Variants in EFHC1 observed in about 807,000 individuals in gnomAD.
EFHC1 encodes EF-hand domain-containing protein 1.
A neutral mutation model predicts 69.9 loss-of-function variants in EFHC1; 53 were observed. That is an observed-to-expected ratio of 0.76 (90% CI 0.61 to 0.95). The LOEUF (loss-of-function observed/expected upper bound fraction) is 0.95. Ranked by LOEUF, EFHC1 falls within the 40% of genes least tolerant of loss-of-function variation. The pLI is 0.00. For synonymous variants in EFHC1, 256 were observed against 278.4 expected, an observed-to-expected ratio of 0.92 and a Z score of 0.80; for missense variants, 739 against 798.7, an observed-to-expected ratio of 0.93 and a Z score of 0.90.
In EFHC1 at chr6:52,470,139, A is replaced by G. The variant is rs551590961; in HGVS notation, c.1278+666A>G. Among the ~76,000 whole-genome samples, 50 of 152,312 alleles carry G rather than the reference A, an allele frequency of 3.3e-4. No individual in the cohort carries two copies. In the South Asian group the frequency reaches 9.5e-3, roughly 29 times the overall value. ...AGAATAGGAATTAGGAGCTGGGGGT[A>G]GGAGGTGTCAGGTGACTTTTCAAAC... On this transcript the variant is annotated intron_variant, in intron 7 of 10. Transcript: ENST00000371068.
rs941669687 is a variant in EFHC1 at position 52,495,576 on chromosome 6, C to CTGTTT, written c.*3247_*3251dup. 2 of 453,894 alleles carry CTGTTT rather than the reference C, an allele frequency of 4.4e-6. No individual in the cohort carries two copies. Among genetic ancestry groups the CTGTTT allele is most frequent in the African/African-American group, 4.0e-5 (2 of 49,970 alleles). The allele number at this position is 453,894 out of a possible 1,614,324, so 28.1% of individuals were successfully genotyped here. A position where few individuals can be genotyped will look rare whatever the true frequency, so the allele number is the denominator to read the frequency against. ...TTAGCATCCTCTAGCCTGCTTTTGG[C>CTGTTT]TGTTTTGTTTTGTTTTTGTGTTTGT... On this transcript the variant is annotated 3_prime_UTR_variant, in exon 11 of 11. Coordinates refer to ENST00000371068, the MANE Select transcript of EFHC1 (RefSeq NM_018100.4).
At chr6:52,427,985 C>T (rs544225474) in intron 2 of EFHC1, among the ~76,000 whole-genome samples, 67 of 152,146 alleles carry the variant, frequency 4.4e-4, no homozygotes, top group Middle Eastern at 6.8e-3. Flanking sequence ...ACATTGTGAC[C>T]TTGTAGTCAC....
chr6:52,459,148 T>G (rs1765107003), intron 5 of EFHC1, among the ~76,000 whole-genome samples: 1 of 152,202 alleles, frequency 6.6e-6, no homozygotes, highest in South Asian at 2.1e-4. Flanking sequence ...ACAGGATCAA[T>G]AGCTCAAACT....
At chr6:52,425,155 A>G (rs758182559) in intron 2 of EFHC1, among the ~76,000 whole-genome samples, 1 of 152,114 alleles carries the variant, frequency 6.6e-6, no homozygotes, top group African/African-American at 2.4e-5. Flanking sequence ...CCTCTTCCCC[A>G]CTTAACTCAT....
rs191404037 is a variant in EFHC1 at position 52,479,251 on chromosome 6, G to A, written c.1492+1G>A. 5.4e-5 allele frequency: 87 copies of A among 1,613,954 alleles called. No individual in the cohort carries two copies. Among genetic ancestry groups the A allele is most frequent in the Non-Finnish European group, 7.1e-5 (84 of 1,179,952 alleles). On this transcript the variant is annotated splice_donor_variant, in intron 8 of 10. Transcript: ENST00000371068. LOFTEE classifies it high-confidence loss of function. ...TTCTTCATTGGTGCTGTGATTGAAG[G>A]TAGGTCTAAACACAGTCCAGAATTT... is the stretch of plus-strand genomic sequence containing the variant.
At chr6:52,443,068 G>A (rs1392434434) in intron 3 of EFHC1, among the ~76,000 whole-genome samples, 4 of 152,100 alleles carry the variant, frequency 2.6e-5, no homozygotes, top group Non-Finnish European at 5.9e-5. Context: ...CGTATCTGTT[G>A]GCTGCATAAA....
chr6:52,494,835 A>G lies in EFHC1; in HGVS notation c.*2494A>G, dbSNP rs139612360. 634 of 452,716 alleles carry G rather than the reference A, an allele frequency of 1.4e-3. 4 individuals are homozygous for G. Among genetic ancestry groups the G allele is most frequent in the African/African-American group, 0.012 (593 of 50,098 alleles). 28.0% of individuals were successfully genotyped at this position (452,716 alleles called of 1,614,324 possible). A position where few individuals can be genotyped will look rare whatever the true frequency, so the allele number is the denominator to read the frequency against. On this transcript the variant is annotated 3_prime_UTR_variant, in exon 11 of 11. Coordinates refer to ENST00000371068, the MANE Select transcript of EFHC1 (RefSeq NM_018100.4). Reference sequence around the variant, plus strand: ...TCCTGCATCAATTCACTTTAGGATAATGGCCTCCAGCTGCATCCATGTTGC... The same window carrying G: ...TCCTGCATCAATTCACTTTAGGATAGTGGCCTCCAGCTGCATCCATGTTGC...
chr6:52,438,011 T>C (rs1448164918), intron 2 of EFHC1, among the ~76,000 whole-genome samples: 1 of 152,216 alleles, frequency 6.6e-6, no homozygotes, highest in Non-Finnish European at 1.5e-5. Context: ...AAATTTAAAT[T>C]TTTATAATTT....
At position 52,492,542 on chromosome 6, in the gene EFHC1, T is replaced by C. The variant is rs1252865433; in HGVS notation, c.*201T>C. On this transcript the variant is annotated 3_prime_UTR_variant, in exon 11 of 11. Coordinates refer to ENST00000371068, the MANE Select transcript of EFHC1 (RefSeq NM_018100.4). ...TGCCTTATTTAGGGTGATAGGGGTA[T>C]AGCAATGTCTAATTTTGTGTGTCAA... 1.5e-6 allele frequency: 1 copy of C among 686,494 alleles called. No individual in the cohort carries two copies. Among genetic ancestry groups the C allele is most frequent in the South Asian group, 1.5e-5 (1 of 66,566 alleles). The allele number at this position is 686,494 out of a possible 1,614,324, so 42.5% of individuals were successfully genotyped here.
At chr6:52,466,734 A>G (rs1399971138) in intron 6 of EFHC1, among the ~76,000 whole-genome samples, 4 of 152,232 alleles carry the variant, frequency 2.6e-5, no homozygotes, top group Non-Finnish European at 5.9e-5. Flanking sequence ...GCAAAAAGGA[A>G]GTGATGTCTT....
At chr6:52,487,320 CAA>C (rs1416473862) in intron 9 of EFHC1, 1 of 152,120 alleles carries the variant, frequency 6.6e-6, no homozygotes, top group Non-Finnish European at 1.5e-5. Context: ...TCTGGAAATT[CAA>C]AGTTTCTGGT....
At chr6:52,438,733 G>A in intron 3 of EFHC1, 142 bp downstream of exon 3, 1 of 872,026 alleles carries the variant, frequency 1.1e-6, no homozygotes, top group South Asian at 1.5e-5. Flanking sequence ...GTATTTGCAT[G>A]TGTGTATGTG....
intron 6 of EFHC1, 190 bp from the exon 7 acceptor site, chr6:52,469,143 G>A (rs1581840820): frequency 1.5e-6 from 1 of 675,922 alleles, no homozygotes; most frequent in Non-Finnish European, 2.4e-6. Flanking sequence ...TGTGATCAGT[G>A]AACATGATGC....
chr6:52,447,833 T>C (rs1278980852), intron 3 of EFHC1, among the ~76,000 whole-genome samples: 1 of 152,178 alleles, frequency 6.6e-6, no homozygotes, highest in African/African-American at 2.4e-5. Flanking sequence ...CTGCTGGAGG[T>C]CCACTTCAGA....
At position 52,452,688 on chromosome 6, in the gene EFHC1, G is replaced by A. The variant is rs781665913; in HGVS notation, c.574G>A (p.Val192Ile). The A allele has an allele frequency of 1.0e-4, 163 of 1,613,864 alleles. No individual in the cohort carries two copies. Among genetic ancestry groups the A allele is most frequent in the Non-Finnish European group, 1.4e-4 (160 of 1,179,948 alleles). The change falls in exon 4 of 11, where the codon GTA (valine) becomes ATA (isoleucine). Residue 192 changes from valine to isoleucine, a missense_variant and splice_region_variant. Val to Ile is a conservative substitution (Grantham distance 29, BLOSUM62 3). Coordinates refer to ENST00000371068, the MANE Select transcript of EFHC1 (RefSeq NM_018100.4). ...RVVDCDQFTQVFLESQGIELN... is the reference protein window; with the variant it reads ...RVVDCDQFTQIFLESQGIELN... The stretch of plus-strand genomic sequence containing the variant: ...TCATTGTTAACTTTCAATTATTTAG[G>A]TATTTTTAGAAAGCCAAGGAATTGA...
chr6:52,466,072 CAAAAT>C (rs1257515426), intron 6 of EFHC1, among the ~76,000 whole-genome samples: 3 of 151,740 alleles, frequency 2.0e-5, no homozygotes, highest in African/African-American at 4.8e-5. Flanking sequence ...AGGAGATTGA[CAAAAT>C]AAATGATATC....
intron 3 of EFHC1, among the ~76,000 whole-genome samples, chr6:52,449,806 C>T (rs1470305988): frequency 6.6e-6 from 1 of 152,140 alleles, no homozygotes; most frequent in Non-Finnish European, 1.5e-5. Flanking sequence ...GTCTTGATTT[C>T]CTTCAGTTCA....
chr6:52,452,743 A>G lies in EFHC1; in HGVS notation c.629A>G (p.Asp210Gly). The G allele has an allele frequency of 6.2e-7, 1 of 1,614,224 alleles. No individual in the cohort carries two copies. Among genetic ancestry groups the G allele is most frequent in the Non-Finnish European group, 8.5e-7 (1 of 1,180,040 alleles). The part of the protein sequence containing the change: ...ELNPPEKMAL[D>G]PYTELRKQPL... Reference sequence around the variant, plus strand: ...AATCCACCAGAGAAGATGGCTCTTGATCCTTACACTGAACTCCGAAAACAG... The same window carrying G: ...AATCCACCAGAGAAGATGGCTCTTGGTCCTTACACTGAACTCCGAAAACAG... The change falls in exon 4 of 11, where the codon GAT becomes GGT. Residue 210 changes from aspartate (D) to glycine (G), a missense_variant. By Grantham distance (94) the Asp-to-Gly change is moderately conservative. Coordinates refer to ENST00000371068, the MANE Select transcript of EFHC1 (RefSeq NM_018100.4).
At chr6:52,437,108 A>T (rs1764551534) in intron 2 of EFHC1, among the ~76,000 whole-genome samples, 1 of 152,196 alleles carries the variant, frequency 6.6e-6, no homozygotes, top group South Asian at 2.1e-4. Context: ...CGGATTGATG[A>T]TGAGGGTATG....
Sources: gnomAD v4.1 joint callset for allele counts (sites outside exome capture counted in the v4.1 genomes callset) on GRCh38, gnomAD v4.1.1 for gene constraint, MANE v1.5 for transcripts, NCBI Gene and HGNC (gene_info 2026-07-23, HGNC 2026-07-21) for gene names.